DENND4C: variants seen among roughly 807,000 people sequenced by gnomAD.
The protein encoded by DENND4C is DENN domain-containing protein 4C.
A neutral mutation model predicts 203.0 loss-of-function variants in DENND4C; 108 were observed. That is an observed-to-expected ratio of 0.53 (90% confidence interval 0.46 to 0.62). The LOEUF (loss-of-function observed/expected upper bound fraction) is 0.62. DENND4C is among the 20% of genes least tolerant of loss of function. The pLI is 0.00. For synonymous variants in DENND4C, 871 were observed against 792.4 expected (o/e 1.10, Z -1.67); for missense variants, 2,481 against 2,301.2 (o/e 1.08, Z -1.60).
chr9:19,302,189 A>G (rs1838729812), intron 9 of DENND4C, among the ~76,000 whole-genome samples: 1 of 152,242 alleles, frequency 6.6e-6, no homozygotes, highest in Non-Finnish European at 1.5e-5. Flanking sequence ...TAGTTATGCC[A>G]GTTACCATTT....
intron 15 of DENND4C, 118 bp downstream of exon 15, chr9:19,326,312 C>T: frequency 1.9e-6 from 2 of 1,053,088 alleles, no homozygotes; most frequent in Non-Finnish European, 2.6e-6. Context: ...GTTCAGTGAA[C>T]TAATGTAGAT....
At chr9:19,282,191 T>C (rs1834188377) in intron 2 of DENND4C, among the ~76,000 whole-genome samples, 1 of 152,044 alleles carries the variant, frequency 6.6e-6, no homozygotes, top group Non-Finnish European at 1.5e-5. Context: ...AATATTTTTC[T>C]TTCTTTAAAT....
Position 19,247,897 on chromosome 9 carries a change from C to A in DENND4C, c.-18+17064C>A, listed in dbSNP as rs191038170. Among the ~76,000 whole-genome samples the A allele has an allele frequency of 3.5e-4, 53 of 152,302 alleles. No homozygotes were observed. The East Asian group carries it at 0.01, about 29-fold the overall frequency. ...TCTTTTTTCCCCTTTTACTTCCAATCCACCAGCAGCAGCTTTACCTTCAAA... is the reference window on the plus strand; with the variant it reads ...TCTTTTTTCCCCTTTTACTTCCAATACACCAGCAGCAGCTTTACCTTCAAA... On this transcript the variant is annotated intron_variant, in intron 1 of 32. Coordinates refer to ENST00000434457, the MANE Select transcript of DENND4C (RefSeq NM_001330640.2).
At position 19,341,103 on chromosome 9, in the gene DENND4C, T is replaced by C; in HGVS notation, c.2993T>C (p.Met998Thr). The change falls in exon 21 of 33, where the codon ATG becomes ACG. Residue 998 changes from methionine (M) to threonine (T), a missense_variant. By Grantham distance (81) the Met-to-Thr change is moderately conservative. This residue lies in a region of DENND4C where 2,289 missense variants were observed against 2,113.3 expected (regional missense o/e 1.08). Coordinates refer to ENST00000434457, the MANE Select transcript of DENND4C (RefSeq NM_001330640.2). Reference sequence around the variant, plus strand: ...AGAGAATTGATAACTAAAACAAAAATGCAAACAGAAGGTTAAGTACTGATA... The same window carrying C: ...AGAGAATTGATAACTAAAACAAAAACGCAAACAGAAGGTTAAGTACTGATA... ...AARELITKTK[M>T]QTEEVCDASA... 1 of 1,610,914 alleles carries C rather than the reference T, an allele frequency of 6.2e-7. No homozygotes were observed. The highest frequency in any genetic ancestry group is 8.5e-7 in the Non-Finnish European group (1 of 1,178,820).
rs1825660242 is a variant in DENND4C at position 19,357,409 on chromosome 9, A to G, written c.4964+255A>G. The G allele has an allele frequency of 1.0e-5, 4 of 392,532 alleles. No homozygotes were observed. The East Asian group carries it at 1.8e-4, about 18-fold the overall frequency. 24.3% of individuals were successfully genotyped at this position (392,532 alleles called of 1,614,324 possible). ...AACAGTAAAATATTTCCCTTTTAAT[A>G]TAGTCATTGCCAGTTTCCAGAGGCG... On this transcript the variant is annotated intron_variant, in intron 27 of 32. Transcript: ENST00000434457.
At chr9:19,292,086 G>A (rs1229500451) in intron 5 of DENND4C, among the ~76,000 whole-genome samples, 2 of 151,848 alleles carry the variant, frequency 1.3e-5, no homozygotes, top group East Asian at 3.9e-4. Flanking sequence ...GTGCAGTGGT[G>A]CGATCTCGGC....
chr9:19,250,162 A>T (rs1826204289), intron 1 of DENND4C, among the ~76,000 whole-genome samples: 1 of 152,064 alleles, frequency 6.6e-6, no homozygotes, highest in East Asian at 1.9e-4. Flanking sequence ...CACATGGCTG[A>T]CATACCCAAG....
In DENND4C at chr9:19,245,037, G is replaced by T. The variant is rs1412958345; in HGVS notation, c.-18+14204G>T. Among the ~76,000 whole-genome samples the T allele has an allele frequency of 1.3e-5, 2 of 152,140 alleles. 1 individual carries two copies. Among genetic ancestry groups the T allele is most frequent in the African/African-American group, 4.8e-5 (2 of 41,432 alleles). ...CAGGTTTCTTTTCTAACCTACCTTA[G>T]CTGTCTGCATGCATAATCACACCCT... On this transcript the variant is annotated intron_variant, in intron 1 of 32. Coordinates refer to ENST00000434457, the MANE Select transcript of DENND4C (RefSeq NM_001330640.2).
intron 2 of DENND4C, among the ~76,000 whole-genome samples, chr9:19,282,250 T>G (rs966490167): frequency 1.3e-5 from 2 of 151,920 alleles, no homozygotes; most frequent in African/African-American, 4.8e-5. Context: ...TTTTAAAAAT[T>G]TATTCTTTTA....
At position 19,358,069 on chromosome 9, in the gene DENND4C, T is replaced by G; in HGVS notation, c.5069T>G (p.Val1690Gly). 1 of 1,614,000 alleles carries G rather than the reference T, an allele frequency of 6.2e-7. No individual in the cohort carries two copies. Residue 1690 changes from valine (V) to glycine (G), a missense_variant, in exon 28 of 33, where the codon GTT (valine) becomes GGT (glycine). By Grantham distance (109) the Val-to-Gly change is moderately radical. Transcript: ENST00000434457. This position sits in a 1 kb window ranked among gnomAD's most constrained non-coding sequence, Gnocchi z 4.8. The stretch of plus-strand genomic sequence containing the variant: ...GTGTCTTTGACTCGAAGTCACAGTG[T>G]TGGAGGCCCATTGCAGAATATTGAC... ...RNVSLTRSHS[V>G]GGPLQNIDFT... is the part of the protein sequence containing the mutation.
chr9:19,245,115 A>G (rs976182312), intron 1 of DENND4C, among the ~76,000 whole-genome samples: 2 of 152,222 alleles, frequency 1.3e-5, no homozygotes, highest in East Asian at 1.9e-4. Flanking sequence ...AGCTTAAAAA[A>G]TATTGATAGT....
At chr9:19,294,253 A>G (rs1588860863) in intron 5 of DENND4C, among the ~76,000 whole-genome samples, 1 of 152,082 alleles carries the variant, frequency 6.6e-6, no homozygotes, top group East Asian at 1.9e-4. Context: ...GAATGCTAGT[A>G]TTTAAATGAT....
chr9:19,314,426 C>T (rs1841372951), intron 10 of DENND4C, among the ~76,000 whole-genome samples: 1 of 152,012 alleles, frequency 6.6e-6, no homozygotes, highest in South Asian at 2.1e-4. Flanking sequence ...TGCACTCCAG[C>T]CTGGGCGACA....
intron 5 of DENND4C, among the ~76,000 whole-genome samples, chr9:19,294,999 T>C (rs186150582): frequency 1.2e-4 from 18 of 152,322 alleles, no homozygotes; most frequent in Non-Finnish European, 2.5e-4. Context: ...ATTGTGAAGG[T>C]ACTTAATACC....
At chr9:19,318,493 T>A (rs554046757) in intron 12 of DENND4C, among the ~76,000 whole-genome samples, 5 of 152,300 alleles carry the variant, frequency 3.3e-5, no homozygotes, top group African/African-American at 1.2e-4. Context: ...TTCATGGTAA[T>A]AACAAAATGG....
At chr9:19,314,635 A>C (rs142211862) in intron 10 of DENND4C, among the ~76,000 whole-genome samples, 3 of 152,190 alleles carry the variant, frequency 2.0e-5, no homozygotes, top group African/African-American at 7.2e-5. Flanking sequence ...CCAAAATGCA[A>C]TGACTTGCTT....
chr9:19,263,630 G>A (rs1829872759), intron 1 of DENND4C, among the ~76,000 whole-genome samples: 1 of 150,812 alleles, frequency 6.6e-6, no homozygotes, highest in African/African-American at 2.4e-5. Flanking sequence ...ATGTTCATTG[G>A]AGATAGTGGC....
intron 26 of DENND4C, among the ~76,000 whole-genome samples, chr9:19,354,877 A>C (rs1825032786): frequency 6.9e-6 from 1 of 144,344 alleles, no homozygotes; most frequent in Non-Finnish European, 1.5e-5. Flanking sequence ...TTGGTTGCTT[A>C]TGTTCATTGC....
chr9:19,256,843 G>A (rs1018630477), intron 1 of DENND4C, among the ~76,000 whole-genome samples: 1 of 151,742 alleles, frequency 6.6e-6, no homozygotes, highest in African/African-American at 2.4e-5. Context: ...GGCCGAGGCA[G>A]GTGGATCACG....
Sources: gnomAD v4.1 joint callset for allele counts (sites outside exome capture counted in the v4.1 genomes callset) on GRCh38, gnomAD v4.1.1 for gene constraint, gnomAD v4.1.1 regional missense constraint, Gnocchi (gnomAD v3.1) non-coding constraint, MANE v1.5 for transcripts, NCBI Gene and HGNC (gene_info 2026-07-23, HGNC 2026-07-21) for gene names.